The following RANBP6 variants were observed in gnomAD, a reference collection of about 807,000 sequenced individuals.
RANBP6 encodes RAN binding protein 6.
A neutral mutation model predicts 35.3 loss-of-function variants in RANBP6; 10 were observed. That is an observed-to-expected ratio of 0.28 (90% CI 0.17 to 0.48). The LOEUF is 0.48. Among genes scored for constraint, RANBP6 ranks in the 20% least tolerant of loss-of-function variants. The probability of loss-of-function intolerance (pLI) is 0.99; values close to 1 mark genes in which losing one functional copy is unlikely to be tolerated. For missense variants in RANBP6, 1,392 were observed against 1,307.7 expected (o/e 1.06, Z -0.99); for synonymous variants, 514 against 464.2 (o/e 1.11, Z -1.38).
chr9:6,013,137 T>C lies in RANBP6; in HGVS notation c.2471A>G (p.Gln824Arg), dbSNP rs745352691. The change falls in exon 1 of 1, where the codon CAG (glutamine) becomes CGG (arginine). Residue 824 changes from glutamine to arginine, a missense_variant. Transcript: ENST00000259569. ...KNQELRQVKR[Q>R]EENYDQQVEM... is the part of the protein sequence containing the mutation. ...AACCTGTTGATCATAGTTTTCTTCC[T>C]GTCTTTTCACCTGTCTCAATTCTTG... The C allele has an allele frequency of 3.7e-5, 59 of 1,614,020 alleles. No homozygotes were observed. Among genetic ancestry groups the C allele is most frequent in the Non-Finnish European group, 4.6e-5 (54 of 1,180,044 alleles).
In RANBP6 at chr9:6,014,182, T is replaced by C. The variant is rs960907897; in HGVS notation, c.1426A>G (p.Ile476Val). The C allele has an allele frequency of 1.2e-6, 2 of 1,613,596 alleles. No individual in the cohort carries two copies. The change falls in exon 1 of 1, where the codon ATT becomes GTT. Residue 476 changes from isoleucine (I) to valine (V), a missense_variant. Ile to Val is a conservative substitution (Grantham distance 29). Coordinates refer to ENST00000259569, the MANE Select transcript of RANBP6 (RefSeq NM_012416.4). ...VQSHAASALIIFIEDCPKSLL... is the reference protein window; with the variant it reads ...VQSHAASALIVFIEDCPKSLL... Reference sequence around the variant, plus strand: ...GATTTAGGGCAGTCTTCAATAAAAATAATAAGAGCAGAAGCTGCATGTGAT... The same window carrying C: ...GATTTAGGGCAGTCTTCAATAAAAACAATAAGAGCAGAAGCTGCATGTGAT...
At position 6,012,343 on chromosome 9, in the gene RANBP6, G is replaced by T; in HGVS notation, c.3265C>A (p.Gln1089Lys). 6.2e-7 allele frequency: 1 copy of T among 1,604,498 alleles called. No homozygotes were observed. The highest frequency in any genetic ancestry group is 8.5e-7 in the Non-Finnish European group (1 of 1,177,380). The part of the protein sequence containing the change: ...SEDLWLECVS[Q>K]LDDEQQEALQ... ...GCTTCCTGCTGTTCATCATCAAGTT[G>T]TGATACACATTCCAACCATAAATCT... is the stretch of plus-strand genomic sequence containing the variant. The change falls in exon 1 of 1, where the codon CAA (glutamine) becomes AAA (lysine). Residue 1089 changes from glutamine (Q) to lysine (K), a missense_variant. Transcript: ENST00000259569.
Position 6,011,240 on chromosome 9 carries a change from A to G in RANBP6, c.*1050T>C, listed in dbSNP as rs910661171. ...ACTGACATTCCAATTAATATAATTA[A>G]CCCTGGACTTATAGAACTGTTTTCT... On this transcript the variant is annotated 3_prime_UTR_variant, in exon 1 of 1. Coordinates refer to ENST00000259569, the MANE Select transcript of RANBP6 (RefSeq NM_012416.4). The G allele has an allele frequency of 2.0e-5, 3 of 152,200 alleles. No homozygotes were observed. The highest frequency in any genetic ancestry group is 4.4e-5 in the Non-Finnish European group (3 of 68,028). The allele number at this position is 152,200 out of a possible 1,614,324, so 9.4% of individuals were successfully genotyped here.
rs774653656 is a variant in RANBP6, at chr9:6,013,235, A to T, written c.2373T>A (p.Gly791=). 12 of 1,614,072 alleles carry T rather than the reference A, an allele frequency of 7.4e-6. No homozygotes were observed. The highest frequency in any genetic ancestry group is 1.7e-6 in the Non-Finnish European group (2 of 1,180,000). Residue 791 remains glycine (G), a synonymous_variant, in exon 1 of 1, where the codon GGT becomes GGA. Transcript: ENST00000259569. The stretch of plus-strand genomic sequence containing the variant: ...CTTCCAAGTGTTCATCATTAAGGCA[A>T]CCATCTCCCATAACTTCAATGGACT... ...FAKSIEVMGD[G]CLNDEHLEEL... is the part of the protein sequence containing the mutation.
rs1402642473 is a variant in RANBP6, at chr9:6,014,476, G to A, written c.1132C>T (p.Pro378Ser). ...KEHIMQMLQS[P>S]DWKYRHAGLM... ...CCAGCATGTCGATACTTCCAGTCAG[G>A]GCTCTGAAGCATCTGCATGATATGC... The change falls in exon 1 of 1, where the codon CCT becomes TCT. Residue 378 changes from proline (P) to serine (S), a missense_variant. By Grantham distance (74) the Pro-to-Ser change is moderately conservative. Transcript: ENST00000259569. The A allele has an allele frequency of 4.3e-6, 7 of 1,613,998 alleles. No individual in the cohort carries two copies. The highest frequency in any genetic ancestry group is 3.4e-6 in the Non-Finnish European group (4 of 1,180,040).
rs1347526669 is a variant in RANBP6 at position 6,012,747 on chromosome 9, T to A, written c.2861A>T (p.Glu954Val). Residue 954 changes from glutamate (E) to valine (V), a missense_variant, in exon 1 of 1, where the codon GAA (glutamate) becomes GTA (valine). Glu to Val is a moderately radical substitution (Grantham distance 121, BLOSUM62 -2). Transcript: ENST00000259569. ...AACTTTTACCAGAAGTGGAACAGCT[T>A]CTGAACATAAAGAACGATAATCATC... ...GGDDYRSLCS[E>V]AVPLLVKVIK... 1 of 1,614,184 alleles carries A rather than the reference T, an allele frequency of 6.2e-7. No homozygotes were observed. The highest frequency in any genetic ancestry group is 8.5e-7 in the Non-Finnish European group (1 of 1,180,026).
rs1842483052 is a variant in RANBP6 at position 6,012,187 on chromosome 9, T to C, written c.*103A>G. 2.3e-6 allele frequency: 2 copies of C among 877,130 alleles called. No homozygotes were observed. The highest frequency in any genetic ancestry group is 5.5e-5 in the East Asian group (2 of 36,346). 54.3% of individuals were successfully genotyped at this position (877,130 alleles called of 1,614,324 possible). A position where few individuals can be genotyped will look rare whatever the true frequency, so the allele number is the denominator to read the frequency against. ...ACATGGAGAAGAACTATAAACTGCT[T>C]AGCAGGGAGAAAACAGTTCTCTGAT... On this transcript the variant is annotated 3_prime_UTR_variant, in exon 1 of 1. Coordinates refer to ENST00000259569, the MANE Select transcript of RANBP6 (RefSeq NM_012416.4).
At position 6,013,237 on chromosome 9, in the gene RANBP6, C is replaced by T. The variant is rs1842507381; in HGVS notation, c.2371G>A (p.Gly791Ser). 1.1e-5 allele frequency: 17 copies of T among 1,614,072 alleles called. 1 individual carries two copies. In the Middle Eastern group the frequency reaches 8.2e-4, roughly 78 times the overall value. ...TCCAAGTGTTCATCATTAAGGCAAC[C>T]ATCTCCCATAACTTCAATGGACTTT... ...FAKSIEVMGD[G>S]CLNDEHLEEL... Residue 791 changes from glycine (G) to serine (S), a missense_variant, in exon 1 of 1, where the codon GGT becomes AGT. Gly to Ser is a moderately conservative substitution (Grantham distance 56). Coordinates refer to ENST00000259569, the MANE Select transcript of RANBP6 (RefSeq NM_012416.4).
Position 6,015,533 on chromosome 9 carries a change from G to A in RANBP6, c.75C>T (p.Asn25=). Residue 25 remains asparagine, a synonymous_variant, in exon 1 of 1, where the codon AAC becomes AAT. Transcript: ENST00000259569. ...GCACCATACAGCTTGGATTGATCAG[G>A]TTCTTCAGAAGCTGGTAAAACTCTT... ...EKQEFYQLLK[N]LINPSCMVRR... The A allele has an allele frequency of 1.2e-6, 2 of 1,612,606 alleles. No individual in the cohort carries two copies. Among genetic ancestry groups the A allele is most frequent in the South Asian group, 1.1e-5 (1 of 91,072 alleles).
Position 6,014,205 on chromosome 9 carries a change from G to T in RANBP6, c.1403C>A (p.Ser468Ter). 1 of 1,613,704 alleles carries T rather than the reference G, an allele frequency of 6.2e-7. No homozygotes were observed. The highest frequency in any genetic ancestry group is 8.5e-7 in the Non-Finnish European group (1 of 1,179,892). The change falls in exon 1 of 1, where the codon TCA (serine) becomes TAA (stop). Residue 468 changes from serine to a stop codon, truncating the protein, a stop_gained. Coordinates refer to ENST00000259569, the MANE Select transcript of RANBP6 (RefSeq NM_012416.4). LOFTEE classifies it low-confidence loss of function (END_TRUNC). The part of the protein sequence containing the change: ...MENQGNQRVQ[S>*]HAASALIIFI... Reference sequence around the variant, plus strand: ...AATAATAAGAGCAGAAGCTGCATGTGATTGCACACGCTGATTACCTTGATT... The same window carrying T: ...AATAATAAGAGCAGAAGCTGCATGTTATTGCACACGCTGATTACCTTGATT...
Position 6,013,955 on chromosome 9 carries a change from C to G in RANBP6, c.1653G>C (p.Glu551Asp). Residue 551 changes from glutamate (E) to aspartate (D), a missense_variant, in exon 1 of 1, where the codon GAG (glutamate) becomes GAC (aspartate). By Grantham distance (45) the Glu-to-Asp change is conservative (BLOSUM62 2). Transcript: ENST00000259569. ...GCTTGAGTTCCTTCTGAACAGCAAG[C>G]TCAACAATGTGCTTTAGTGAGGGCA... ...IFMPSLKHIV[E>D]LAVQKELKLL... 1 of 1,613,946 alleles carries G rather than the reference C, an allele frequency of 6.2e-7. No homozygotes were observed. The highest frequency in any genetic ancestry group is 8.5e-7 in the Non-Finnish European group (1 of 1,180,008).
At position 6,015,064 on chromosome 9, in the gene RANBP6, T is replaced by C. The variant is rs748279972; in HGVS notation, c.544A>G (p.Lys182Glu). 6.2e-7 allele frequency: 1 copy of C among 1,614,218 alleles called. No homozygotes were observed. Reference protein sequence around the residue: ...TQERHDLDIIKRLLDQCIQDQ... With the variant: ...TQERHDLDIIERLLDQCIQDQ... Reference sequence around the variant, plus strand: ...TGAATACACTGGTCCAACAACCGTTTGATGATATCCAAATCATGCCGCTCT... The same window carrying C: ...TGAATACACTGGTCCAACAACCGTTCGATGATATCCAAATCATGCCGCTCT... The change falls in exon 1 of 1, where the codon AAA (lysine) becomes GAA (glutamate). Residue 182 changes from lysine to glutamate, a missense_variant. Physicochemically the swap from Lys to Glu is moderately conservative, Grantham distance 56 (BLOSUM62 1). Transcript: ENST00000259569.
Position 6,013,266 on chromosome 9 carries a change from AAAG to A in RANBP6, c.2339_2341del (p.Ser780del). ...TCCCATAACTTCAATGGACTTTGCA[AAAG>A]AATTCATTATTTCTGAGAGCACATC... On this transcript the variant is annotated inframe_deletion, in exon 1 of 1. Coordinates refer to ENST00000259569, the MANE Select transcript of RANBP6 (RefSeq NM_012416.4). 1 of 1,614,164 alleles carries A rather than the reference AAAG, an allele frequency of 6.2e-7. No individual in the cohort carries two copies. Among genetic ancestry groups the A allele is most frequent in the Non-Finnish European group, 8.5e-7 (1 of 1,180,026 alleles).
chr9:6,014,198 T>G lies in RANBP6; in HGVS notation c.1410A>C (p.Ala470=). 6.2e-7 allele frequency: 1 copy of G among 1,613,654 alleles called. No homozygotes were observed. ...CAATAAAAATAATAAGAGCAGAAGC[T>G]GCATGTGATTGCACACGCTGATTAC... The part of the protein sequence containing the change: ...NQGNQRVQSH[A]ASALIIFIED... Residue 470 remains alanine, a synonymous_variant, in exon 1 of 1, where the codon GCA becomes GCC. Transcript: ENST00000259569.
chr9:6,013,035 A>C lies in RANBP6; in HGVS notation c.2573T>G (p.Phe858Cys), dbSNP rs1257107203. 2.5e-6 allele frequency: 4 copies of C among 1,613,684 alleles called. No homozygotes were observed. In the African/African-American group the frequency reaches 4.0e-5, roughly 16 times the overall value. The change falls in exon 1 of 1, where the codon TTT becomes TGT. Residue 858 changes from phenylalanine to cysteine, a missense_variant. Coordinates refer to ENST00000259569, the MANE Select transcript of RANBP6 (RefSeq NM_012416.4). ...TKVSDILHSL[F>C]STYKEKILPW... ...TAAAATCTTTTCCTTATAAGTACTA[A>C]ATAATGAGTGCAAAATATCTGATAC...
rs1842490341 is a variant in RANBP6, at chr9:6,012,444, A to T, written c.3164T>A (p.Ile1055Asn). Residue 1055 changes from isoleucine to asparagine, a missense_variant, in exon 1 of 1, where the codon ATT becomes AAT. Physicochemically the swap from Ile to Asn is moderately radical, Grantham distance 149 (BLOSUM62 -3). Transcript: ENST00000259569. ...KIISIIAEGK[I>N]NETINYEDPC... Reference sequence around the variant, plus strand: ...ATCCTCATAGTTAATAGTCTCATTAATTTTTCCTTCTGCAATTATACTGAT... The same window carrying T: ...ATCCTCATAGTTAATAGTCTCATTATTTTTTCCTTCTGCAATTATACTGAT... 6.2e-7 allele frequency: 1 copy of T among 1,613,746 alleles called. No individual in the cohort carries two copies. The highest frequency in any genetic ancestry group is 1.3e-5 in the African/African-American group (1 of 74,874).
At position 6,012,257 on chromosome 9, in the gene RANBP6, T is replaced by A; in HGVS notation, c.*33A>T. 7.1e-7 allele frequency: 1 copy of A among 1,401,070 alleles called. No individual in the cohort carries two copies. The highest frequency in any genetic ancestry group is 9.6e-7 in the Non-Finnish European group (1 of 1,043,576). 86.8% of individuals were successfully genotyped at this position (1,401,070 alleles called of 1,614,324 possible). On this transcript the variant is annotated 3_prime_UTR_variant, in exon 1 of 1. Transcript: ENST00000259569. ...CAACACTTATTTGTAGTTACTTTTA[T>A]AATAGATAATATTCAAGTTATATTA...
Position 6,013,487 on chromosome 9 carries a change from A to G in RANBP6, c.2121T>C (p.Tyr707=). 1 of 1,614,230 alleles carries G rather than the reference A, an allele frequency of 6.2e-7. No homozygotes were observed. The highest frequency in any genetic ancestry group is 8.5e-7 in the Non-Finnish European group (1 of 1,180,038). ...CCATCAGCTTCACAACTTGTTCTGT[A>G]TATTCCACAAACCCTTCCCTTAACT... ...AKELREGFVE[Y]TEQVVKLMVP... Residue 707 remains tyrosine, a synonymous_variant, in exon 1 of 1, where the codon TAT becomes TAC. Transcript: ENST00000259569.
In RANBP6 at chr9:6,013,452, A is replaced by T. The variant is rs1842512831; in HGVS notation, c.2156T>A (p.Leu719Gln). Reference protein sequence around the residue: ...EQVVKLMVPLLKFYFHDNVRV... With the variant: ...EQVVKLMVPLQKFYFHDNVRV... Reference sequence around the variant, plus strand: ...AACATTGTCATGGAAATAAAATTTCAGTAAAGGAACCATCAGCTTCACAAC... The same window carrying T: ...AACATTGTCATGGAAATAAAATTTCTGTAAAGGAACCATCAGCTTCACAAC... Residue 719 changes from leucine to glutamine, a missense_variant, in exon 1 of 1, where the codon CTG becomes CAG. Transcript: ENST00000259569. 1.2e-6 allele frequency: 2 copies of T among 1,614,114 alleles called. No individual in the cohort carries two copies. The highest frequency in any genetic ancestry group is 1.1e-5 in the South Asian group (1 of 91,088).
Sources: gnomAD v4.1 joint callset for allele counts on GRCh38, gnomAD v4.1.1 for gene constraint, MANE v1.5 for transcripts, NCBI Gene and HGNC (gene_info 2026-07-23, HGNC 2026-07-21) for gene names.